Variants in MIGA1 observed in about 807,000 individuals in gnomAD.
MIGA1 encodes mitoguardin 1.
MIGA1 carries 58 observed loss-of-function variants against 82.0 expected under a neutral mutation model. The observed-to-expected ratio is 0.71, with a 90% confidence interval of 0.57 to 0.88. The LOEUF (loss-of-function observed/expected upper bound fraction) is 0.88. Among genes scored for constraint, MIGA1 ranks in the 40% least tolerant of loss-of-function variants. The pLI is 0.00. For synonymous variants in MIGA1, 249 were observed against 253.6 expected (o/e 0.98, Z 0.17); for missense variants, 751 against 749.1 (o/e 1.00, Z -0.03).
intron 2 of MIGA1, among the ~76,000 whole-genome samples, chr1:77,788,961 G>A (rs1192587444): frequency 6.6e-6 from 1 of 152,138 alleles, no homozygotes; most frequent in African/African-American, 2.4e-5. Flanking sequence ...TTGGGATTTT[G>A]ATAGAGACTG....
At chr1:77,813,618 A>T in intron 5 of MIGA1, 116 bp from the exon 6 acceptor site, 2 of 1,050,526 alleles carry the variant, frequency 1.9e-6, no homozygotes, top group Non-Finnish European at 2.8e-6. Flanking sequence ...ATGATTCTTT[A>T]GTGTCAAAAT....
At chr1:77,835,406 A>G (rs1438829432) in intron 7 of MIGA1, among the ~76,000 whole-genome samples, 1 of 152,166 alleles carries the variant, frequency 6.6e-6, no homozygotes, top group Non-Finnish European at 1.5e-5. Flanking sequence ...AGACAGTTTA[A>G]ATTTTTTTTA....
At chr1:77,802,675 G>A (rs1358217418) in intron 3 of MIGA1, among the ~76,000 whole-genome samples, 2 of 151,920 alleles carry the variant, frequency 1.3e-5, no homozygotes, top group Admixed American at 6.6e-5. Context: ...CCAGCTACTC[G>A]GGAGGCTGAA....
intron 7 of MIGA1, among the ~76,000 whole-genome samples, chr1:77,823,829 G>C (rs967130037): frequency 4.6e-5 from 7 of 152,166 alleles, no homozygotes; most frequent in South Asian, 4.1e-4. Flanking sequence ...TTTCAAAGCT[G>C]GTGGGCCTGT....
At chr1:77,866,297 A>G (rs779329945) in intron 13 of MIGA1, 41 bp from the exon 14 acceptor site, 9 of 1,557,110 alleles carry the variant, frequency 5.8e-6, no homozygotes, top group Non-Finnish European at 7.1e-6. Flanking sequence ...AAATGTTTAT[A>G]TAGCTATATA....
At chr1:77,857,573 G>A (rs148265163) in intron 8 of MIGA1, among the ~76,000 whole-genome samples, 15 of 151,962 alleles carry the variant, frequency 9.9e-5, no homozygotes, top group South Asian at 6.2e-4. Context: ...CCAGCTACTC[G>A]GGAGGCTGAG....
intron 8 of MIGA1, among the ~76,000 whole-genome samples, chr1:77,858,725 C>T (rs1685352578): frequency 6.6e-6 from 1 of 152,134 alleles, no homozygotes; most frequent in African/African-American, 2.4e-5. Context: ...CTCAAGTGAT[C>T]TTCCCACCTC....
At position 77,861,263 on chromosome 1, in the gene MIGA1, T is replaced by C. The variant is rs778966644; in HGVS notation, c.1315T>C (p.Tyr439His). Residue 439 changes from tyrosine (Y) to histidine (H), a missense_variant, in exon 12 of 16, where the codon TAT (tyrosine) becomes CAT (histidine). Physicochemically the swap from Tyr to His is moderately conservative, Grantham distance 83 (BLOSUM62 2). Transcript: ENST00000370791. ...TGAAGATGTTTTTGATGAAATGATC[T>C]ATTTTTTAGAGCAGACCGATCACTG... is the stretch of plus-strand genomic sequence containing the variant. 3.5e-5 allele frequency: 56 copies of C among 1,613,436 alleles called. No homozygotes were observed. The Middle Eastern group carries it at 4.9e-4, about 14-fold the overall frequency.
intron 8 of MIGA1, among the ~76,000 whole-genome samples, chr1:77,844,851 G>A (rs1395830326): frequency 6.6e-6 from 1 of 152,124 alleles, no homozygotes; most frequent in Non-Finnish European, 1.5e-5. Context: ...GCATGGTGGT[G>A]CATGCCTGTA....
At chr1:77,834,274 C>G (rs1203410681) in intron 7 of MIGA1, among the ~76,000 whole-genome samples, 1 of 152,164 alleles carries the variant, frequency 6.6e-6, no homozygotes. Flanking sequence ...CTCCTAGGCT[C>G]AAGTGATCCT....
chr1:77,868,167 T>C (rs1478450929), intron 14 of MIGA1: 1 of 152,242 alleles, frequency 6.6e-6, no homozygotes, highest in Non-Finnish European at 1.5e-5. Context: ...GTAGTTATAA[T>C]AATAATGATA....
intron 8 of MIGA1, among the ~76,000 whole-genome samples, chr1:77,846,666 G>A (rs1342522580): frequency 2.0e-5 from 3 of 151,316 alleles, no homozygotes; most frequent in Non-Finnish European, 4.4e-5. Context: ...CAGATACCTC[G>A]GCCGGGACTG....
chr1:77,867,563 A>G (rs1219045126), intron 14 of MIGA1, among the ~76,000 whole-genome samples: 1 of 152,050 alleles, frequency 6.6e-6, no homozygotes, highest in Admixed American at 6.6e-5. Flanking sequence ...CCTGGCCTCA[A>G]GTGATCTTCC....
chr1:77,828,201 A>G (rs553025174), intron 7 of MIGA1, among the ~76,000 whole-genome samples: 2 of 152,362 alleles, frequency 1.3e-5, no homozygotes, highest in East Asian at 3.9e-4. Context: ...TTGTGGGCAG[A>G]AGACATACTT....
rs1242941009 is a variant in MIGA1, at chr1:77,782,792, G to A, written c.82-446G>A. 8 of 791,222 alleles carry A rather than the reference G, an allele frequency of 1.0e-5. No homozygotes were observed. The East Asian group carries it at 8.8e-4, about 88-fold the overall frequency. 49.0% of individuals were successfully genotyped at this position (791,222 alleles called of 1,614,324 possible). ...TCAGTCAGTGAACTCTGAGGTTCTA[G>A]CCCCAAGATTCTGTTCCAGATTCCA... On this transcript the variant is annotated intron_variant, in intron 1 of 15. Transcript: ENST00000370791.
chr1:77,840,522 C>T lies in MIGA1; in HGVS notation c.896-2785C>T, dbSNP rs372580488. Among the ~76,000 whole-genome samples, 35 of 152,178 alleles carry T rather than the reference C, an allele frequency of 2.3e-4. No individual in the cohort carries two copies. In the East Asian group the frequency reaches 5.6e-3, roughly 24 times the overall value. ...TGACTTGTAAATTTAATCCCACTCT[C>T]GGCCGGGTGCAGTGGCTCTCACACC... On this transcript the variant is annotated intron_variant, in intron 7 of 15. Coordinates refer to ENST00000370791, the MANE Select transcript of MIGA1 (RefSeq NM_198549.4).
intron 2 of MIGA1, among the ~76,000 whole-genome samples, chr1:77,791,676 G>GC (rs1328048022): frequency 2.0e-5 from 3 of 149,712 alleles, no homozygotes; most frequent in African/African-American, 7.4e-5. Flanking sequence ...TGGTTCTTGT[G>GC]CCTCAGCCTC....
intron 5 of MIGA1, among the ~76,000 whole-genome samples, 156 bp from the exon 6 acceptor site, chr1:77,813,578 G>A (rs2101799066): frequency 6.6e-6 from 1 of 152,142 alleles, no homozygotes; most frequent in African/African-American, 2.4e-5. Context: ...GAATGTATTG[G>A]GAAACTAAGA....
intron 7 of MIGA1, among the ~76,000 whole-genome samples, chr1:77,831,614 T>C (rs1464368485): frequency 6.6e-6 from 1 of 152,196 alleles, no homozygotes; most frequent in Non-Finnish European, 1.5e-5. Flanking sequence ...TACCAATCTC[T>C]AAAACCAGGA....
Sources: allele counts gnomAD v4.1 joint callset (sites outside exome capture counted in the v4.1 genomes callset), GRCh38; gene constraint gnomAD v4.1.1; transcripts MANE v1.5; gene names NCBI Gene and HGNC (gene_info 2026-07-23, HGNC 2026-07-21).